Variants in CNTNAP2 observed in about 807,000 individuals in gnomAD.
CNTNAP2 encodes contactin associated protein 2.
CNTNAP2 carries 98 observed loss-of-function variants against 155.2 expected under a neutral mutation model. The observed-to-expected ratio is 0.63, with a 90% CI of 0.54 to 0.75. The LOEUF (loss-of-function observed/expected upper bound fraction) is 0.75, where lower values mean the gene tolerates loss of function less well. Ranked by LOEUF, CNTNAP2 falls within the 30% of genes least tolerant of loss-of-function variation. CNTNAP2 has a pLI of 0.00. For missense variants in CNTNAP2, 1,727 were observed against 1,688.1 expected (o/e 1.02, Z -0.40); for synonymous variants, 651 against 631.2 (o/e 1.03, Z -0.47).
chr7:146,331,108 T>C (rs1801178345), intron 1 of CNTNAP2, among the ~76,000 whole-genome samples: 1 of 151,740 alleles, frequency 6.6e-6, no homozygotes, highest in Non-Finnish European at 1.5e-5. Flanking sequence ...ATCGAGACCA[T>C]CCTGGCTAAC....
chr7:148,239,594 G>C (rs1796108712), intron 20 of CNTNAP2, among the ~76,000 whole-genome samples: 1 of 152,116 alleles, frequency 6.6e-6, no homozygotes. Flanking sequence ...GTTGAGCTAT[G>C]GCTCCTCGGC....
At chr7:146,143,395 C>A (rs962460860) in intron 1 of CNTNAP2, among the ~76,000 whole-genome samples, 4 of 151,980 alleles carry the variant, frequency 2.6e-5, no homozygotes. Context: ...TTTAGTTTTC[C>A]ATGAATAAGG....
intron 1 of CNTNAP2, among the ~76,000 whole-genome samples, chr7:146,376,230 A>G (rs911833945): frequency 4.6e-5 from 7 of 152,146 alleles, no homozygotes; most frequent in African/African-American, 1.7e-4. Flanking sequence ...CTCTGGATAC[A>G]ATGGGGAAAA....
chr7:146,996,979 G>T (rs966929312), intron 3 of CNTNAP2, among the ~76,000 whole-genome samples: 1 of 152,006 alleles, frequency 6.6e-6, no homozygotes, highest in Non-Finnish European at 1.5e-5. Flanking sequence ...TCTCTCTCTT[G>T]CCTGCTGCCA....
chr7:148,202,970 T>C (rs1795391004), intron 18 of CNTNAP2, among the ~76,000 whole-genome samples: 2 of 152,228 alleles, frequency 1.3e-5, no homozygotes, highest in Admixed American at 1.3e-4. Flanking sequence ...ATAATAACTT[T>C]GATGACAACC....
At chr7:147,091,902 G>A (rs1007591618) in intron 4 of CNTNAP2, among the ~76,000 whole-genome samples, 19 of 152,172 alleles carry the variant, frequency 1.2e-4, no homozygotes, top group African/African-American at 4.3e-4. Context: ...CACCGCGCCA[G>A]GCCATTTTTT....
At chr7:147,904,092 C>T (rs117791714) in intron 14 of CNTNAP2, among the ~76,000 whole-genome samples, 2,193 of 152,028 alleles carry the variant, frequency 0.014, 24 homozygotes, top group Non-Finnish European at 0.023. Flanking sequence ...CAGCCTCCTG[C>T]GGGGAGCACA....
intron 1 of CNTNAP2, among the ~76,000 whole-genome samples, chr7:146,311,173 C>T (rs1800814264): frequency 6.6e-6 from 1 of 152,110 alleles, no homozygotes; most frequent in East Asian, 1.9e-4. Flanking sequence ...TTTTGTGCTC[C>T]AATAAATGTG....
At chr7:146,503,694 A>C (rs111964576) in intron 1 of CNTNAP2, among the ~76,000 whole-genome samples, 13,051 of 152,210 alleles carry the variant, frequency 0.086, 1,484 homozygotes, top group African/African-American at 0.26. Context: ...AAGAGACTGT[A>C]CTTTACCTAA....
intron 9 of CNTNAP2, among the ~76,000 whole-genome samples, chr7:147,367,342 G>T (rs1227008315): frequency 1.3e-5 from 2 of 152,134 alleles, no homozygotes; most frequent in Non-Finnish European, 2.9e-5. Context: ...GTGTTTGGCA[G>T]CTGTTGTCTC....
At chr7:147,037,352 G>C (rs1214015181) in intron 3 of CNTNAP2, among the ~76,000 whole-genome samples, 2 of 150,584 alleles carry the variant, frequency 1.3e-5, no homozygotes, top group Admixed American at 6.6e-5. Flanking sequence ...TTTATTTCTA[G>C]TTGACAATTT....
chr7:147,108,934 G>A (rs1471604285), intron 5 of CNTNAP2, among the ~76,000 whole-genome samples: 2 of 152,184 alleles, frequency 1.3e-5, no homozygotes, highest in African/African-American at 4.8e-5. Flanking sequence ...TCAAGAAGCA[G>A]GAAGGATGCC....
chr7:147,532,845 C>A (rs1232480823), intron 11 of CNTNAP2, among the ~76,000 whole-genome samples: 2 of 152,130 alleles, frequency 1.3e-5, no homozygotes, highest in African/African-American at 2.4e-5. Flanking sequence ...TGGGAAAGAC[C>A]AGCCCCCATG....
intron 1 of CNTNAP2, among the ~76,000 whole-genome samples, chr7:146,501,043 C>T (rs971811098): frequency 6.6e-6 from 1 of 151,862 alleles, no homozygotes; most frequent in Non-Finnish European, 1.5e-5. Context: ...ATATTCTAAA[C>T]TAATCTTGCA....
At chr7:148,182,563 T>A (rs930195317) in intron 18 of CNTNAP2, among the ~76,000 whole-genome samples, 6 of 152,226 alleles carry the variant, frequency 3.9e-5, no homozygotes, top group African/African-American at 1.4e-4. Context: ...TCTTAAATAA[T>A]CAAGCCTGAG....
chr7:147,462,371 A>T (rs1342021258), intron 10 of CNTNAP2, among the ~76,000 whole-genome samples: 1 of 151,168 alleles, frequency 6.6e-6, no homozygotes, highest in Middle Eastern at 3.2e-3. Context: ...TATAAACAAG[A>T]ATGTAAAGTA....
chr7:148,053,897 A>G (rs1802954748), intron 15 of CNTNAP2, among the ~76,000 whole-genome samples: 1 of 151,914 alleles, frequency 6.6e-6, no homozygotes, highest in Non-Finnish European at 1.5e-5. Flanking sequence ...GTATCGTTGC[A>G]GCAGGCTGAG....
intron 1 of CNTNAP2, among the ~76,000 whole-genome samples, chr7:146,135,155 G>T (rs1159205597): frequency 6.6e-6 from 1 of 152,044 alleles, no homozygotes; most frequent in Admixed American, 6.6e-5. Flanking sequence ...AATCTATAAT[G>T]AAAGATGTCA....
At chr7:147,769,974 A>G (rs141876757) in intron 13 of CNTNAP2, among the ~76,000 whole-genome samples, 1 of 152,276 alleles carries the variant, frequency 6.6e-6, no homozygotes, top group African/African-American at 2.4e-5. Context: ...TTTTGACTCT[A>G]CTGACTTTTT....
Sources: gnomAD v4.1 joint callset for allele counts (sites outside exome capture counted in the v4.1 genomes callset) on GRCh38, gnomAD v4.1.1 for gene constraint, MANE v1.5 for transcripts, NCBI Gene and HGNC (gene_info 2026-07-23, HGNC 2026-07-21) for gene names.